Variants in PALLD observed in about 807,000 individuals in gnomAD.
The protein encoded by PALLD is palladin.
In PALLD, 61 loss-of-function variants were observed where a neutral mutation model predicts 123.5. That is an observed-to-expected ratio of 0.49 (90% CI 0.40 to 0.61). The LOEUF (loss-of-function observed/expected upper bound fraction) is 0.61, where lower values mean the gene tolerates loss of function less well. Ranked by LOEUF, PALLD falls within the 20% of genes least tolerant of loss-of-function variation. The probability of loss-of-function intolerance (pLI) is 0.00; values close to 1 mark genes in which losing one functional copy is unlikely to be tolerated. For missense variants in PALLD, 1,273 were observed against 1,377.0 expected, an observed-to-expected ratio of 0.92 and a Z score of 1.20; for synonymous variants, 465 against 496.4, an observed-to-expected ratio of 0.94 and a Z score of 0.84.
intron 10 of PALLD, among the ~76,000 whole-genome samples, chr4:168,798,270 T>A (rs6841242): frequency 0.024 from 3,586 of 152,286 alleles, 129 homozygotes; most frequent in African/African-American, 0.081. Context: ...GGTAAATTCC[T>A]CTAAATAAGA....
intron 3 of PALLD, among the ~76,000 whole-genome samples, chr4:168,672,718 A>C (rs1028584602): frequency 6.6e-6 from 1 of 152,128 alleles, no homozygotes; most frequent in East Asian, 1.9e-4. Context: ...TCGGCCTCCC[A>C]AAGTGCTGGG....
chr4:168,635,726 C>A (rs914018168), intron 2 of PALLD, among the ~76,000 whole-genome samples: 12 of 152,194 alleles, frequency 7.9e-5, no homozygotes, highest in Admixed American at 2.0e-4. Context: ...AATGGAAGGC[C>A]TGAGATCTTC....
intron 10 of PALLD, among the ~76,000 whole-genome samples, chr4:168,747,516 A>G (rs948552452): frequency 6.6e-5 from 10 of 152,226 alleles, no homozygotes; most frequent in Non-Finnish European, 1.2e-4. Context: ...TGCTATGACA[A>G]TGAGACAGTA....
intron 2 of PALLD, among the ~76,000 whole-genome samples, chr4:168,639,301 G>A (rs931366883): frequency 6.6e-6 from 1 of 152,190 alleles, no homozygotes; most frequent in East Asian, 1.9e-4. Context: ...AGTTATAACT[G>A]TAGGCTAGAG....
chr4:168,905,895 G>C (rs1757691159), intron 15 of PALLD, among the ~76,000 whole-genome samples: 1 of 149,454 alleles, frequency 6.7e-6, no homozygotes, highest in African/African-American at 2.5e-5. Context: ...CACCTCCTGG[G>C]TTCAAGCAAT....
intron 2 of PALLD, among the ~76,000 whole-genome samples, chr4:168,609,754 CT>C (rs1348795099): frequency 1.3e-5 from 2 of 152,196 alleles, no homozygotes; most frequent in African/African-American, 4.8e-5. Flanking sequence ...AGCTCAGAAC[CT>C]TCTGAATCTG....
chr4:168,562,851 A>C (rs934957844), intron 2 of PALLD, among the ~76,000 whole-genome samples: 21 of 152,310 alleles, frequency 1.4e-4, no homozygotes, highest in Non-Finnish European at 4.4e-5. Flanking sequence ...CTAAGAGAGA[A>C]GAGTGATCTA....
intron 2 of PALLD, among the ~76,000 whole-genome samples, chr4:168,651,731 G>A (rs1190507070): frequency 6.6e-6 from 1 of 152,106 alleles, no homozygotes; most frequent in African/African-American, 2.4e-5. Context: ...AGGTAGGGGA[G>A]GAGGGAAGAA....
chr4:168,506,681 A>G (rs1169638190), intron 1 of PALLD, among the ~76,000 whole-genome samples: 1 of 152,212 alleles, frequency 6.6e-6, no homozygotes, highest in Non-Finnish European at 1.5e-5. Flanking sequence ...CTTTTGTTCA[A>G]CTACTACCTT....
intron 10 of PALLD, among the ~76,000 whole-genome samples, chr4:168,810,984 G>A (rs908843797): frequency 6.6e-6 from 1 of 152,118 alleles, no homozygotes; most frequent in Non-Finnish European, 1.5e-5. Context: ...CAAAGTCAGA[G>A]GTTAAGGACA....
At chr4:168,794,504 A>ACG (rs565730671) in intron 10 of PALLD, among the ~76,000 whole-genome samples, 40 of 134,422 alleles carry the variant, frequency 3.0e-4, no homozygotes, top group Middle Eastern at 7.4e-3. Context: ...GCACACACAC[A>ACG]CGCACACACA....
chr4:168,714,696 G>A (rs1020541632), intron 10 of PALLD, among the ~76,000 whole-genome samples: 8 of 152,056 alleles, frequency 5.3e-5, no homozygotes, highest in Non-Finnish European at 8.8e-5. Context: ...ATTTGGTGGC[G>A]TTATGGCAGT....
At chr4:168,636,190 G>A (rs530863448) in intron 2 of PALLD, among the ~76,000 whole-genome samples, 2 of 152,110 alleles carry the variant, frequency 1.3e-5, no homozygotes, top group Non-Finnish European at 2.9e-5. Flanking sequence ...CTCAAACTCA[G>A]AACTTCTGCC....
In PALLD at chr4:168,579,007, G is replaced by C. The variant is rs1285781620; in HGVS notation, c.908+66595G>C. ...ACTCCTAGTAGATTTCTATTTTCAA[G>C]TAGGGAAAGAGTTTTCACAGGAAAA... On this transcript the variant is annotated intron_variant, in intron 2 of 21. Transcript: ENST00000505667. 2.0e-5 allele frequency among the ~76,000 whole-genome samples: 3 copies of C among 152,212 alleles called. No homozygotes were observed. In the East Asian group the frequency reaches 5.8e-4, roughly 29 times the overall value.
chr4:168,779,262 T>C (rs919442052), intron 10 of PALLD, among the ~76,000 whole-genome samples: 5 of 152,216 alleles, frequency 3.3e-5, no homozygotes, highest in African/African-American at 9.6e-5. Context: ...CTTCTTCTCT[T>C]ACTATATGGA....
chr4:168,822,192 A>G (rs1212296751), intron 10 of PALLD, among the ~76,000 whole-genome samples: 1 of 152,116 alleles, frequency 6.6e-6, no homozygotes, highest in East Asian at 1.9e-4. Flanking sequence ...TTTAAAGTCT[A>G]AATAGCTGTG....
intron 10 of PALLD, among the ~76,000 whole-genome samples, chr4:168,754,733 A>G (rs572504867): frequency 2.0e-5 from 3 of 152,272 alleles, no homozygotes; most frequent in East Asian, 1.9e-4. Context: ...CATTCATTCA[A>G]TACACACTAT....
At chr4:168,694,154 C>T (rs1255326792) in intron 8 of PALLD, among the ~76,000 whole-genome samples, 1 of 152,098 alleles carries the variant, frequency 6.6e-6, no homozygotes, top group Non-Finnish European at 1.5e-5. Context: ...ATCTAATGGA[C>T]CTCTGAGCTA....
chr4:168,806,932 A>G (rs913524041), intron 10 of PALLD, among the ~76,000 whole-genome samples: 1 of 152,196 alleles, frequency 6.6e-6, no homozygotes, highest in African/African-American at 2.4e-5. Context: ...ACACACATAC[A>G]TATATGTAGT....
Sources: allele counts gnomAD v4.1 joint callset (sites outside exome capture counted in the v4.1 genomes callset), GRCh38; gene constraint gnomAD v4.1.1; transcripts MANE v1.5; gene names NCBI Gene and HGNC (gene_info 2026-07-23, HGNC 2026-07-21).